The following GPHN variants were observed in gnomAD, a reference collection of about 807,000 sequenced individuals.
GPHN encodes the protein gephyrin.
GPHN carries 17 observed loss-of-function variants against 95.5 expected under a neutral mutation model. The observed-to-expected ratio is 0.18, with a 90% confidence interval of 0.12 to 0.27. The LOEUF (loss-of-function observed/expected upper bound fraction) is 0.27, where lower values mean the gene tolerates loss of function less well. Among genes scored for constraint, GPHN ranks in the 10% least tolerant of loss-of-function variants. GPHN has a pLI of 1.00. For synonymous variants in GPHN, 320 were observed against 322.5 expected, an observed-to-expected ratio of 0.99 and a Z score of 0.08; for missense variants, 660 against 978.1, an observed-to-expected ratio of 0.67 and a Z score of 4.34.
intron 1 of GPHN, among the ~76,000 whole-genome samples, chr14:66,579,147 C>T (rs1024993497): frequency 4.6e-5 from 7 of 151,476 alleles, no homozygotes; most frequent in South Asian, 2.1e-4. Context: ...CTGTTACAAC[C>T]GTAATATGTT....
At chr14:67,595,918 G>A in the GPHN span, among the ~76,000 whole-genome samples, 1 of 152,098 alleles carries the variant, frequency 6.6e-6, no homozygotes, top group African/African-American at 2.4e-5. Context: ...TAATATAAAA[G>A]GTCCTTATCT....
chr14:66,818,810 A>G (rs1566977648), intron 3 of GPHN, among the ~76,000 whole-genome samples: 1 of 151,558 alleles, frequency 6.6e-6, no homozygotes, highest in Non-Finnish European at 1.5e-5. Flanking sequence ...ATGAGATGAT[A>G]TCTCGTTGTT....
At chr14:66,804,351 C>T (rs1411249356) in intron 3 of GPHN, among the ~76,000 whole-genome samples, 1 of 152,192 alleles carries the variant, frequency 6.6e-6, no homozygotes, top group African/African-American at 2.4e-5. Flanking sequence ...AATACTTTGA[C>T]AGGAAATAGG....
At chr14:67,076,721 G>A (rs2076508689) in intron 11 of GPHN, among the ~76,000 whole-genome samples, 1 of 152,130 alleles carries the variant, frequency 6.6e-6, no homozygotes, top group Non-Finnish European at 1.5e-5. Context: ...CCGTTACAAT[G>A]GGCATGAGTA....
chr14:66,527,959 A>G (rs2058755964), intron 1 of GPHN, among the ~76,000 whole-genome samples: 1 of 152,050 alleles, frequency 6.6e-6, no homozygotes, highest in Admixed American at 6.5e-5. Flanking sequence ...TGGGGTGGAG[A>G]GTTCTGAAGA....
chr14:67,318,018 C>G, the GPHN span, among the ~76,000 whole-genome samples: 1 of 152,162 alleles, frequency 6.6e-6, no homozygotes, highest in Non-Finnish European at 1.5e-5. Context: ...ATATCAAGCA[C>G]CTGGTGTCTA....
At chr14:67,044,475 C>T (rs1458260104) in intron 10 of GPHN, among the ~76,000 whole-genome samples, 2 of 152,066 alleles carry the variant, frequency 1.3e-5, no homozygotes, top group Non-Finnish European at 2.9e-5. Context: ...GTAGAATTCA[C>T]CAATTTTTAG....
chr14:66,953,126 C>A (rs2068222582), intron 8 of GPHN, among the ~76,000 whole-genome samples: 1 of 147,908 alleles, frequency 6.8e-6, no homozygotes, highest in African/African-American at 2.6e-5. Context: ...TGTGTAGCTT[C>A]TTTGGAAAAA....
At chr14:67,117,860 T>A (rs1312184579) in intron 16 of GPHN, among the ~76,000 whole-genome samples, 4 of 152,082 alleles carry the variant, frequency 2.6e-5, no homozygotes, top group Non-Finnish European at 5.9e-5. Flanking sequence ...AGACAAGGAA[T>A]CTGCCCAAGC....
the GPHN span, among the ~76,000 whole-genome samples, chr14:67,246,556 G>A: frequency 6.6e-6 from 1 of 151,810 alleles, no homozygotes; most frequent in South Asian, 2.1e-4. Flanking sequence ...GCCCAAGCTG[G>A]TCTTGAGCAG....
At chr14:67,042,315 C>T (rs1240990482) in intron 10 of GPHN, among the ~76,000 whole-genome samples, 2 of 152,104 alleles carry the variant, frequency 1.3e-5, no homozygotes, top group East Asian at 1.9e-4. Flanking sequence ...TGTCTATGTC[C>T]TGAATGGTAT....
chr14:67,288,261 C>G, the GPHN span, among the ~76,000 whole-genome samples: 1 of 151,960 alleles, frequency 6.6e-6, no homozygotes, highest in Non-Finnish European at 1.5e-5. Flanking sequence ...TTTGTATTTT[C>G]AGTAGAGACG....
At chr14:67,642,465 A>G in the GPHN span, 1 of 1,349,330 alleles carries the variant, frequency 7.4e-7, no homozygotes. Context: ...AAAATACCCT[A>G]CAGAATTTTT....
chr14:67,250,561 C>T, the GPHN span, among the ~76,000 whole-genome samples: 6 of 152,142 alleles, frequency 3.9e-5, no homozygotes, highest in African/African-American at 1.2e-4. Flanking sequence ...TTTTGTGATT[C>T]TGATAGTCAT....
chr14:67,157,779 G>T (rs1179688588), intron 18 of GPHN, among the ~76,000 whole-genome samples: 3 of 151,166 alleles, frequency 2.0e-5, no homozygotes, highest in African/African-American at 4.9e-5. Context: ...AGTGAGCCGA[G>T]ATCATGCCAC....
At chr14:67,726,981 G>A in the GPHN span, 1 of 1,612,156 alleles carries the variant, frequency 6.2e-7, no homozygotes. Context: ...CTCCTCACAG[G>A]CCACTTCCTC....
chr14:66,798,641 G>GT (rs1304018645), intron 3 of GPHN, among the ~76,000 whole-genome samples: 9 of 151,766 alleles, frequency 5.9e-5, no homozygotes, highest in Non-Finnish European at 1.5e-5. Context: ...AATTTCTGCA[G>GT]TATCAATTGT....
intron 1 of GPHN, among the ~76,000 whole-genome samples, chr14:66,539,338 T>C (rs1279409164): frequency 1.3e-5 from 2 of 152,012 alleles, no homozygotes; most frequent in East Asian, 3.9e-4. Flanking sequence ...CAAATGTTCC[T>C]TTCAACCTTG....
At chr14:66,722,401 C>T (rs1373752348) in intron 2 of GPHN, among the ~76,000 whole-genome samples, 3 of 151,874 alleles carry the variant, frequency 2.0e-5, no homozygotes, top group Non-Finnish European at 4.4e-5. Flanking sequence ...ACACAGAATT[C>T]TAATATGGCA....
Sources: gnomAD v4.1 joint callset for allele counts (sites outside exome capture counted in the v4.1 genomes callset) on GRCh38, gnomAD v4.1.1 for gene constraint, MANE v1.5 for transcripts, NCBI Gene and HGNC (gene_info 2026-07-23, HGNC 2026-07-21) for gene names.